EVA1C: variants seen among roughly 807,000 people sequenced by gnomAD.
EVA1C encodes the protein eva-1 homolog C.
Under a neutral mutation model 45.4 loss-of-function variants are expected in EVA1C, and 25 were observed. The ratio of observed to expected loss-of-function variants is 0.55; its 90% CI spans 0.40 to 0.77. The LOEUF (loss-of-function observed/expected upper bound fraction) is 0.77, where lower values mean the gene tolerates loss of function less well. EVA1C is among the 30% of genes least tolerant of loss of function. The pLI is 0.00. For missense variants in EVA1C, 479 were observed against 554.8 expected (o/e 0.86, Z 1.37); for synonymous variants, 190 against 221.2 (o/e 0.86, Z 1.25).
chr21:32,469,174 C>T (rs1049136031), intron 4 of EVA1C, among the ~76,000 whole-genome samples: 8 of 152,140 alleles, frequency 5.3e-5, no homozygotes, highest in African/African-American at 9.7e-5. Flanking sequence ...GTGGAGCTGA[C>T]GTTCCAGCAG....
chr21:32,430,522 A>C (rs370658151), intron 1 of EVA1C, among the ~76,000 whole-genome samples: 1 of 151,920 alleles, frequency 6.6e-6, no homozygotes, highest in Non-Finnish European at 1.5e-5. Flanking sequence ...CATACCTGAG[A>C]CTGGGTAATT....
chr21:32,425,119 T>C (rs1345893140), intron 1 of EVA1C, among the ~76,000 whole-genome samples: 1 of 151,500 alleles, frequency 6.6e-6, no homozygotes, highest in Non-Finnish European at 1.5e-5. Context: ...GAGATCAGCC[T>C]GGCAAACATG....
At chr21:32,508,009 G>A (rs867717489) in intron 7 of EVA1C, among the ~76,000 whole-genome samples, 2 of 151,836 alleles carry the variant, frequency 1.3e-5, no homozygotes, top group Non-Finnish European at 2.9e-5. Context: ...GTGTGTGTAC[G>A]CATGCATGTG....
Position 32,514,815 on chromosome 21 carries a change from C to T in EVA1C, c.951C>T (p.Ala317=), listed in dbSNP as rs774166328. The T allele has an allele frequency of 6.5e-7, 1 of 1,545,156 alleles. No individual in the cohort carries two copies. The highest frequency in any genetic ancestry group is 2.3e-5 in the East Asian group (1 of 44,064). The change falls in exon 8 of 8, where the codon GCC becomes GCT. Residue 317 remains alanine, a splice_region_variant and synonymous_variant. Coordinates refer to ENST00000300255, the MANE Select transcript of EVA1C (RefSeq NM_058187.5). ...NSLAAFAYIR[A]HPERAALLFV... ...TGACATGTTCTCTTCCTCCTGCAGCCCACCCGGAGAGAGCTGCCCTGCTGT... is the reference window on the plus strand; with the variant it reads ...TGACATGTTCTCTTCCTCCTGCAGCTCACCCGGAGAGAGCTGCCCTGCTGT...
intron 1 of EVA1C, among the ~76,000 whole-genome samples, chr21:32,418,088 C>T (rs996149423): frequency 6.6e-6 from 1 of 152,200 alleles, no homozygotes; most frequent in Non-Finnish European, 1.5e-5. Flanking sequence ...CCCAGCATAT[C>T]AGCACCTCGC....
chr21:32,488,380 C>G (rs1405089584), intron 4 of EVA1C, among the ~76,000 whole-genome samples: 1 of 152,166 alleles, frequency 6.6e-6, no homozygotes, highest in Non-Finnish European at 1.5e-5. Context: ...CCTTCATGCT[C>G]TTTTCCATAA....
chr21:32,507,834 T>C (rs2037809620), intron 7 of EVA1C, among the ~76,000 whole-genome samples: 1 of 151,640 alleles, frequency 6.6e-6, no homozygotes, highest in Non-Finnish European at 1.5e-5. Flanking sequence ...GTTGCATGTG[T>C]GTGCATGTGT....
At chr21:32,502,028 CTTTCTTTCTTTCTTTCT>C (rs1568949796) in intron 6 of EVA1C, among the ~76,000 whole-genome samples, 2 of 123,244 alleles carry the variant, frequency 1.6e-5, no homozygotes, top group Non-Finnish European at 3.3e-5. Context: ...TTCTTTCTTT[CTTTCTTTCTTTCTTTCT>C]TTCTTTCTTC....
intron 1 of EVA1C, among the ~76,000 whole-genome samples, chr21:32,431,046 T>C (rs1340569437): frequency 6.6e-6 from 1 of 151,674 alleles, no homozygotes; most frequent in Non-Finnish European, 1.5e-5. Flanking sequence ...ACCCCATGAT[T>C]CAGTTACCTC....
At chr21:32,456,027 G>A (rs1219409093) in intron 2 of EVA1C, among the ~76,000 whole-genome samples, 1 of 152,004 alleles carries the variant, frequency 6.6e-6, no homozygotes, top group Non-Finnish European at 1.5e-5. Flanking sequence ...CGAGTAGCTG[G>A]GATCACAGGT....
intron 6 of EVA1C, among the ~76,000 whole-genome samples, chr21:32,501,866 T>C (rs2037540422): frequency 6.6e-6 from 1 of 152,136 alleles, no homozygotes; most frequent in Non-Finnish European, 1.5e-5. Context: ...CAGGGCCAAC[T>C]AGGACCTGAG....
At chr21:32,513,795 C>T (rs1028183439) in intron 7 of EVA1C, among the ~76,000 whole-genome samples, 2 of 151,964 alleles carry the variant, frequency 1.3e-5, no homozygotes, top group African/African-American at 4.8e-5. Flanking sequence ...CCCACCTTGG[C>T]CTCCCGAAGT....
At chr21:32,511,984 G>A (rs1355688074) in intron 7 of EVA1C, among the ~76,000 whole-genome samples, 4 of 151,832 alleles carry the variant, frequency 2.6e-5, no homozygotes, top group South Asian at 2.1e-4. Flanking sequence ...ATTTTACAGC[G>A]ATATGATATT....
chr21:32,446,573 T>C (rs2010550), intron 1 of EVA1C, among the ~76,000 whole-genome samples: 75,327 of 152,082 alleles, frequency 0.5, 19,096 homozygotes, highest in Admixed American at 0.59. Flanking sequence ...TTCAGTGGCA[T>C]GACTCTGCCC....
intron 4 of EVA1C, among the ~76,000 whole-genome samples, chr21:32,484,637 T>C (rs1367849178): frequency 6.6e-6 from 1 of 152,222 alleles, no homozygotes; most frequent in Admixed American, 6.5e-5. Flanking sequence ...TTAAGTTACC[T>C]GGGCTGTGAA....
Position 32,515,233 on chromosome 21 carries a change from AAGG to A in EVA1C, c.*45_*47del. On this transcript the variant is annotated 3_prime_UTR_variant, in exon 8 of 8. Coordinates refer to ENST00000300255, the MANE Select transcript of EVA1C (RefSeq NM_058187.5). ...ATGCGATCGCACTTTCTGAAGAAGGAAGGATCCCAAATGCCCCTCCAGTTCTGG... is the reference window on the plus strand; with the variant it reads ...ATGCGATCGCACTTTCTGAAGAAGGAATCCCAAATGCCCCTCCAGTTCTGG... The A allele has an allele frequency of 6.6e-7, 1 of 1,525,440 alleles. No individual in the cohort carries two copies. Among genetic ancestry groups the A allele is most frequent in the Non-Finnish European group, 8.8e-7 (1 of 1,134,068 alleles). 94.5% of individuals were successfully genotyped at this position (1,525,440 alleles called of 1,614,324 possible). A position where few individuals can be genotyped will look rare whatever the true frequency, so the allele number is the denominator to read the frequency against.
intron 1 of EVA1C, 90 bp downstream of exon 1, chr21:32,413,103 G>A (rs2033895144): frequency 8.8e-7 from 1 of 1,140,706 alleles, no homozygotes; most frequent in Non-Finnish European, 1.1e-6. Flanking sequence ...AGTGGACACG[G>A]CGGGGTAGGA....
At chr21:32,458,828 T>C (rs1263145086) in intron 3 of EVA1C, among the ~76,000 whole-genome samples, 3 of 152,004 alleles carry the variant, frequency 2.0e-5, no homozygotes, top group Non-Finnish European at 4.4e-5. Context: ...CACAACTGTT[T>C]TCACTTTTTG....
intron 1 of EVA1C, among the ~76,000 whole-genome samples, chr21:32,441,259 A>G (rs2035164016): frequency 6.6e-6 from 1 of 152,172 alleles, no homozygotes; most frequent in Non-Finnish European, 1.5e-5. Flanking sequence ...AAGATAAAGC[A>G]GAGTTAGGGG....
Sources: gnomAD v4.1 joint callset for allele counts (sites outside exome capture counted in the v4.1 genomes callset) on GRCh38, gnomAD v4.1.1 for gene constraint, MANE v1.5 for transcripts, NCBI Gene and HGNC (gene_info 2026-07-23, HGNC 2026-07-21) for gene names.